The following SPATA45 variants were observed in gnomAD, a reference collection of about 807,000 sequenced individuals.
The protein encoded by SPATA45 is spermatogenesis-associated protein 45.
SPATA45 carries 5 observed loss-of-function variants against 7.0 expected under a neutral mutation model. The observed-to-expected ratio is 0.71, with a 90% CI of 0.37 to 1.50. The LOEUF is 1.50. Among genes scored for constraint, SPATA45 ranks in the 40% most tolerant of loss-of-function variants. The pLI is 0.03. For missense variants in SPATA45, 111 were observed against 114.9 expected (o/e 0.97, Z 0.16); for synonymous variants, 40 against 38.7 (o/e 1.03, Z -0.13).
At chr1:212,846,630 T>C (rs1354044247) in intron 1 of SPATA45, among the ~76,000 whole-genome samples, 2 of 152,238 alleles carry the variant, frequency 1.3e-5, no homozygotes, top group Non-Finnish European at 2.9e-5. Flanking sequence ...TATTCTTCCC[T>C]GCCCTTAGGA....
chr1:212,838,969 C>G (rs1663633497), intron 1 of SPATA45, among the ~76,000 whole-genome samples: 1 of 151,248 alleles, frequency 6.6e-6, no homozygotes, highest in African/African-American at 2.4e-5. Flanking sequence ...TCCCAGAGTA[C>G]TGAGATTACA....
At chr1:212,842,339 T>C (rs1654535323) in intron 1 of SPATA45, among the ~76,000 whole-genome samples, 1 of 151,788 alleles carries the variant, frequency 6.6e-6, no homozygotes, top group Non-Finnish European at 1.5e-5. Flanking sequence ...GATCACACCA[T>C]TGCACTCCAG....
chr1:212,834,704 GC>G (rs1205234465), intron 2 of SPATA45, among the ~76,000 whole-genome samples: 1 of 151,624 alleles, frequency 6.6e-6, no homozygotes, highest in Non-Finnish European at 1.5e-5. Context: ...GCCTGCCTTG[GC>G]CACCCAAAGT....
chr1:212,841,414 T>C (rs1388713087), intron 1 of SPATA45, among the ~76,000 whole-genome samples: 1 of 151,702 alleles, frequency 6.6e-6, no homozygotes, highest in Non-Finnish European at 1.5e-5. Context: ...TCTACCCACC[T>C]CAGCCTTTCA....
At position 212,830,281 on chromosome 1, in the gene SPATA45, A is replaced by G. The variant is rs1571987961; in HGVS notation, c.278-20T>C. The G allele has an allele frequency of 1.4e-6, 2 of 1,413,532 alleles. No homozygotes were observed. Among genetic ancestry groups the G allele is most frequent in the Non-Finnish European group, 2.0e-6 (2 of 1,016,330 alleles). 87.6% of individuals were successfully genotyped at this position (1,413,532 alleles called of 1,614,324 possible). ...CATTATCTGAAAAAATAAAAAATAA[A>G]AAGTATTTGTTATATAACTTATAAC... On this transcript the variant is annotated intron_variant, in intron 2 of 2. Coordinates refer to ENST00000332912, the MANE Select transcript of SPATA45 (RefSeq NM_001024601.3).
chr1:212,843,400 C>A (rs998133202), intron 1 of SPATA45, among the ~76,000 whole-genome samples: 8 of 152,050 alleles, frequency 5.3e-5, no homozygotes, highest in African/African-American at 1.7e-4. Context: ...ATACAACCAA[C>A]CCTCAATAAG....
intron 2 of SPATA45, among the ~76,000 whole-genome samples, chr1:212,834,434 C>T (rs1350474376): frequency 6.6e-6 from 1 of 151,144 alleles, no homozygotes; most frequent in African/African-American, 2.4e-5. Flanking sequence ...CCATCCCCTG[C>T]CCCCAACAAC....
rs35760900 is a variant in SPATA45 at position 212,833,503 on chromosome 1, CAA to C, written c.277+2368_277+2369del. 2.7e-3 allele frequency among the ~76,000 whole-genome samples: 292 copies of C among 108,712 alleles called. 3 individuals carry two copies. Among genetic ancestry groups the C allele is most frequent in the East Asian group, 7.6e-3 (30 of 3,954 alleles). The allele number at this position is 108,712 out of a possible 152,430, so 71.3% of individuals were successfully genotyped here. On this transcript the variant is annotated intron_variant, in intron 2 of 2. Transcript: ENST00000332912. ...ACGAAACCCCATCTCTACTAAAATA[CAA>C]AAAAAAAAAAAAAAAAAAATTAGCC...
At chr1:212,843,478 T>C (rs1177151670) in intron 1 of SPATA45, among the ~76,000 whole-genome samples, 1 of 152,186 alleles carries the variant, frequency 6.6e-6, no homozygotes, top group Non-Finnish European at 1.5e-5. Context: ...GTAAATAATT[T>C]AGTATTTTCT....
At chr1:212,833,927 T>A (rs940217573) in intron 2 of SPATA45, among the ~76,000 whole-genome samples, 1 of 151,874 alleles carries the variant, frequency 6.6e-6, no homozygotes, top group Non-Finnish European at 1.5e-5. Flanking sequence ...TCACTAAGCT[T>A]AATCATTTCT....
At chr1:212,830,508 A>T (rs1663466438) in intron 2 of SPATA45, among the ~76,000 whole-genome samples, 1 of 146,708 alleles carries the variant, frequency 6.8e-6, no homozygotes, top group Non-Finnish European at 1.5e-5. Context: ...CATCTCTACT[A>T]AAAAAATACA....
intron 1 of SPATA45, among the ~76,000 whole-genome samples, chr1:212,840,768 C>A (rs1663667026): frequency 6.6e-6 from 1 of 152,030 alleles, no homozygotes; most frequent in African/African-American, 2.4e-5. Context: ...CAGGCGTCCG[C>A]CACCACGCCC....
At chr1:212,842,148 C>A (rs879356097) in intron 1 of SPATA45, among the ~76,000 whole-genome samples, 1 of 150,932 alleles carries the variant, frequency 6.6e-6, no homozygotes, top group Admixed American at 6.6e-5. Context: ...GAGGCCGAGG[C>A]GGGTGGATCA....
At position 212,835,147 on chromosome 1, in the gene SPATA45, A is replaced by C. The variant is rs1322183469; in HGVS notation, c.277+726T>G. On this transcript the variant is annotated intron_variant, in intron 2 of 2. Transcript: ENST00000332912. ...ATTGCCTTTATGCTATACCAGGGCAATACTCAGGGGACCTCTTTCAATCCC... is the reference window on the plus strand; with the variant it reads ...ATTGCCTTTATGCTATACCAGGGCACTACTCAGGGGACCTCTTTCAATCCC... Among the ~76,000 whole-genome samples the C allele has an allele frequency of 2.0e-5, 3 of 151,818 alleles. No individual in the cohort carries two copies. In the East Asian group the frequency reaches 5.8e-4, roughly 29 times the overall value.
chr1:212,837,544 A>G (rs911468644), intron 1 of SPATA45, among the ~76,000 whole-genome samples: 1 of 151,706 alleles, frequency 6.6e-6, no homozygotes, highest in African/African-American at 2.4e-5. Flanking sequence ...GAGGCATGAG[A>G]GTCGCTTGAA....
At chr1:212,836,461 G>A (rs1663587962) in intron 1 of SPATA45, among the ~76,000 whole-genome samples, 1 of 151,406 alleles carries the variant, frequency 6.6e-6, no homozygotes, top group South Asian at 2.1e-4. Flanking sequence ...CTCCTAAGTA[G>A]CTGGAATTAC....
chr1:212,832,082 G>A (rs1415729405), intron 2 of SPATA45, among the ~76,000 whole-genome samples: 2 of 140,892 alleles, frequency 1.4e-5, no homozygotes, highest in Non-Finnish European at 3.1e-5. Context: ...GCAGTGGCGC[G>A]ATCTCTGCTC....
At chr1:212,836,712 G>A (rs572257887) in intron 1 of SPATA45, among the ~76,000 whole-genome samples, 3 of 150,746 alleles carry the variant, frequency 2.0e-5, no homozygotes, top group African/African-American at 4.9e-5. Flanking sequence ...GCAGTGGCTC[G>A]ATCTCAGCTC....
intron 1 of SPATA45, among the ~76,000 whole-genome samples, chr1:212,839,239 A>T (rs116251308): frequency 0.021 from 3,086 of 149,694 alleles, 129 homozygotes; most frequent in African/African-American, 0.071. Context: ...GCTGAAGCTC[A>T]AAATAACTAT....
Sources: gnomAD v4.1 joint callset for allele counts (sites outside exome capture counted in the v4.1 genomes callset) on GRCh38, gnomAD v4.1.1 for gene constraint, MANE v1.5 for transcripts, NCBI Gene and HGNC (gene_info 2026-07-23, HGNC 2026-07-21) for gene names.